Variants in SLC24A2 observed in about 807,000 individuals in gnomAD.
SLC24A2 encodes the protein solute carrier family 24 member 2, also known as sodium/potassium/calcium exchanger 2.
Under a neutral mutation model 62.0 loss-of-function variants are expected in SLC24A2, and 36 were observed. The observed-to-expected ratio is 0.58, with a 90% CI of 0.44 to 0.77. SLC24A2 has a LOEUF of 0.77. SLC24A2 is among the 30% of genes least tolerant of loss of function. The probability of loss-of-function intolerance (pLI) is 0.00; values close to 1 mark genes in which losing one functional copy is unlikely to be tolerated. For synonymous variants in SLC24A2, 358 were observed against 294.0 expected, an observed-to-expected ratio of 1.22 and a Z score of -2.23; for missense variants, 846 against 817.9, an observed-to-expected ratio of 1.03 and a Z score of -0.42.
chr9:19,564,098 C>T (rs1228501861), intron 7 of SLC24A2, among the ~76,000 whole-genome samples: 1 of 151,968 alleles, frequency 6.6e-6, no homozygotes, highest in Admixed American at 6.6e-5. Flanking sequence ...TCAAGTGATC[C>T]ACCTGCCTCG....
At chr9:20,287,291 G>C in the SLC24A2 span, among the ~76,000 whole-genome samples, 1 of 152,162 alleles carries the variant, frequency 6.6e-6, no homozygotes, top group Non-Finnish European at 1.5e-5. Flanking sequence ...AGGGAATCTG[G>C]GAACCAGGCA....
the SLC24A2 span, among the ~76,000 whole-genome samples, chr9:20,256,764 T>C: frequency 6.6e-6 from 1 of 152,128 alleles, no homozygotes; most frequent in Non-Finnish European, 1.5e-5. Flanking sequence ...ACCTAGACAG[T>C]AGAAGCAACC....
chr9:19,880,212 T>C, the SLC24A2 span, among the ~76,000 whole-genome samples: 7 of 152,194 alleles, frequency 4.6e-5, no homozygotes, highest in African/African-American at 1.7e-4. Flanking sequence ...TGTGTTCTTC[T>C]TAGCCTGGAC....
chr9:19,896,938 G>A, the SLC24A2 span, among the ~76,000 whole-genome samples: 2 of 152,180 alleles, frequency 1.3e-5, no homozygotes, highest in African/African-American at 2.4e-5. Context: ...TAAGAGTTGG[G>A]AAAAATCTAA....
At chr9:20,294,414 C>T in the SLC24A2 span, among the ~76,000 whole-genome samples, 32 of 152,264 alleles carry the variant, frequency 2.1e-4, no homozygotes, top group African/African-American at 7.2e-4. Context: ...GAGGCAAGCT[C>T]GTTAGCTTGC....
chr9:19,515,976 G>C lies in SLC24A2; in HGVS notation c.*177C>G. The C allele has an allele frequency of 1.3e-6, 1 of 777,412 alleles. No homozygotes were observed. Among genetic ancestry groups the C allele is most frequent in the Non-Finnish European group, 2.2e-6 (1 of 450,652 alleles). The allele number at this position is 777,412 out of a possible 1,614,324, so 48.2% of individuals were successfully genotyped here. On this transcript the variant is annotated 3_prime_UTR_variant, in exon 11 of 11. Transcript: ENST00000341998. Reference sequence around the variant, plus strand: ...AGTCATTTCAGTAGGCAGGGTGGAAGCAGCCTGTGAAGTGAATGGGCCCAG... The same window carrying C: ...AGTCATTTCAGTAGGCAGGGTGGAACCAGCCTGTGAAGTGAATGGGCCCAG...
At chr9:19,630,958 G>A (rs756038353) in intron 2 of SLC24A2, among the ~76,000 whole-genome samples, 1 of 152,126 alleles carries the variant, frequency 6.6e-6, no homozygotes, top group Admixed American at 6.5e-5. Context: ...AAAGTGGGAC[G>A]CAGCAAGTTC....
chr9:20,210,252 A>G, the SLC24A2 span, among the ~76,000 whole-genome samples: 2 of 152,220 alleles, frequency 1.3e-5, no homozygotes, highest in African/African-American at 4.8e-5. Flanking sequence ...GCAGAGAAGC[A>G]GGTGGCCTCC....
the SLC24A2 span, among the ~76,000 whole-genome samples, chr9:20,169,442 A>G: frequency 1.9e-4 from 29 of 152,020 alleles, no homozygotes; most frequent in Non-Finnish European, 3.5e-4. Context: ...TGCAGGACCC[A>G]GGAGACACCT....
intron 9 of SLC24A2, among the ~76,000 whole-genome samples, chr9:19,525,848 G>C (rs1191117177): frequency 6.9e-6 from 1 of 145,600 alleles, no homozygotes; most frequent in Admixed American, 7.0e-5. Context: ...AGTTTATTGA[G>C]ATGTAATTTA....
At chr9:19,708,205 G>A (rs1430729147) in intron 2 of SLC24A2, among the ~76,000 whole-genome samples, 7 of 152,286 alleles carry the variant, frequency 4.6e-5, no homozygotes, top group Middle Eastern at 3.4e-3. Context: ...CAGGGGATGT[G>A]AAGGACCTCT....
chr9:19,682,117 T>A (rs1819739896), intron 2 of SLC24A2, among the ~76,000 whole-genome samples: 1 of 152,170 alleles, frequency 6.6e-6, no homozygotes, highest in African/African-American at 2.4e-5. Flanking sequence ...CCTCTGAAAC[T>A]CATTATCTTG....
At chr9:20,025,335 G>A in the SLC24A2 span, among the ~76,000 whole-genome samples, 1 of 152,048 alleles carries the variant, frequency 6.6e-6, no homozygotes. Flanking sequence ...TAAATGAGTG[G>A]TAAATCAATA....
chr9:19,638,099 G>T (rs971782481), intron 2 of SLC24A2, among the ~76,000 whole-genome samples: 1 of 152,172 alleles, frequency 6.6e-6, no homozygotes, highest in African/African-American at 2.4e-5. Flanking sequence ...GGCTCAGTAA[G>T]AAGAGTAAAT....
At chr9:19,897,594 A>G in the SLC24A2 span, among the ~76,000 whole-genome samples, 50 of 152,306 alleles carry the variant, frequency 3.3e-4, 1 homozygote, top group East Asian at 9.4e-3. Flanking sequence ...GGCAACAAAC[A>G]TGTGTCCTCA....
chr9:19,666,543 TA>T (rs1410227778), intron 2 of SLC24A2, among the ~76,000 whole-genome samples: 10 of 152,134 alleles, frequency 6.6e-5, no homozygotes, highest in African/African-American at 2.4e-4. Context: ...CTCAAGAAAA[TA>T]AAAATAATTT....
At chr9:19,607,756 A>T (rs1837034175) in intron 4 of SLC24A2, among the ~76,000 whole-genome samples, 1 of 150,458 alleles carries the variant, frequency 6.6e-6, no homozygotes. Flanking sequence ...CTTTTTGGCC[A>T]CATACCTTGT....
At chr9:20,115,929 G>A in the SLC24A2 span, among the ~76,000 whole-genome samples, 1 of 152,122 alleles carries the variant, frequency 6.6e-6, no homozygotes, top group Non-Finnish European at 1.5e-5. Flanking sequence ...AAATCCCAAG[G>A]CAAGAGATTT....
the SLC24A2 span, among the ~76,000 whole-genome samples, chr9:20,223,474 T>G: frequency 6.6e-6 from 1 of 152,198 alleles, no homozygotes; most frequent in South Asian, 2.1e-4. Flanking sequence ...CCAACTGAAA[T>G]TTCCATGTAA....
Sources: gnomAD v4.1 joint callset for allele counts (sites outside exome capture counted in the v4.1 genomes callset) on GRCh38, gnomAD v4.1.1 for gene constraint, MANE v1.5 for transcripts, NCBI Gene and HGNC (gene_info 2026-07-23, HGNC 2026-07-21) for gene names.